The following TKT variants were observed in gnomAD, a reference collection of about 807,000 sequenced individuals.
TKT encodes the protein epididymis luminal protein 107.
Under a neutral mutation model 63.9 loss-of-function variants are expected in TKT, and 47 were observed. The observed-to-expected ratio is 0.74, with a 90% CI of 0.58 to 0.94. The LOEUF (loss-of-function observed/expected upper bound fraction) is 0.94, where lower values mean the gene tolerates loss of function less well. Ranked by LOEUF, TKT falls within the 40% of genes least tolerant of loss-of-function variation. The probability of loss-of-function intolerance (pLI) is 0.00; values close to 1 mark genes in which losing one functional copy is unlikely to be tolerated. For synonymous variants in TKT, 338 were observed against 334.1 expected (o/e 1.01, Z -0.13); for missense variants, 721 against 846.2 (o/e 0.85, Z 1.84).
chr3:53,240,634 T>C (rs1431091686), intron 3 of TKT, among the ~76,000 whole-genome samples: 1 of 152,226 alleles, frequency 6.6e-6, no homozygotes, highest in Non-Finnish European at 1.5e-5. Flanking sequence ...CACAAAGTGC[T>C]GGGAGAGAGA....
intron 6 of TKT, 45 bp downstream of exon 6, chr3:53,233,111 C>G: frequency 6.4e-7 from 1 of 1,551,752 alleles, no homozygotes; most frequent in African/African-American, 1.4e-5. Context: ...GCCACAGTGT[C>G]TGGGCGAGGG....
intron 1 of TKT, among the ~76,000 whole-genome samples, chr3:53,246,444 C>T (rs1242905553): frequency 6.6e-6 from 1 of 152,206 alleles, no homozygotes; most frequent in African/African-American, 2.4e-5. Context: ...CTACACTTCA[C>T]AAATCCGGTA....
At chr3:53,254,727 T>C (rs1705906121) in intron 1 of TKT, among the ~76,000 whole-genome samples, 1 of 152,180 alleles carries the variant, frequency 6.6e-6, no homozygotes, top group Non-Finnish European at 1.5e-5. Context: ...TTAAGTGCCA[T>C]TACTGTCCCC....
chr3:53,226,212 G>A, intron 13 of TKT: 1 of 386,932 alleles, frequency 2.6e-6, no homozygotes, highest in South Asian at 5.6e-5. Context: ...GAGCCACCAT[G>A]CACGGCCCAG....
chr3:53,255,266 C>T (rs1431417941), intron 1 of TKT, among the ~76,000 whole-genome samples: 1 of 152,196 alleles, frequency 6.6e-6, no homozygotes, highest in Non-Finnish European at 1.5e-5. Flanking sequence ...GGGAGAAGGC[C>T]GGGCCCCCGA....
intron 1 of TKT, among the ~76,000 whole-genome samples, chr3:53,253,215 C>T (rs182642700): frequency 6.6e-5 from 10 of 152,086 alleles, no homozygotes; most frequent in Non-Finnish European, 1.2e-4. Flanking sequence ...TGGCCTCAAG[C>T]GAACCTTCTG....
chr3:53,241,389 T>G, intron 2 of TKT, 144 bp from the exon 3 acceptor site: 1 of 664,612 alleles, frequency 1.5e-6, no homozygotes, highest in Non-Finnish European at 2.5e-6. Context: ...TGAAGGCCAC[T>G]TCTCCCCTTT....
intron 8 of TKT, among the ~76,000 whole-genome samples, 168 bp downstream of exon 8, chr3:53,230,289 C>T (rs1382627743): frequency 6.6e-6 from 1 of 152,256 alleles, no homozygotes; most frequent in Non-Finnish European, 1.5e-5. Flanking sequence ...ACCTCCCAAA[C>T]TGTGGCTGTT....
intron 7 of TKT, among the ~76,000 whole-genome samples, chr3:53,230,848 T>C (rs577775475): frequency 6.6e-6 from 1 of 152,190 alleles, no homozygotes; most frequent in South Asian, 2.1e-4. Context: ...AGGTATAAGC[T>C]ACAGAAGACA....
At chr3:53,242,031 G>C (rs1705301896) in intron 2 of TKT, 94 bp downstream of exon 2, 5 of 1,205,520 alleles carry the variant, frequency 4.1e-6, no homozygotes, top group Non-Finnish European at 6.1e-6. Flanking sequence ...GGTGGGCCCA[G>C]CCAGGTCTCC....
chr3:53,249,934 C>A (rs1187523573), intron 1 of TKT, among the ~76,000 whole-genome samples: 7 of 152,188 alleles, frequency 4.6e-5, no homozygotes, highest in African/African-American at 1.7e-4. Flanking sequence ...AACAAGCCTG[C>A]CACAAGAGAC....
rs1373347681 is a variant in TKT, at chr3:53,256,021, A to T, written c.-79T>A. The T allele has an allele frequency of 1.4e-5, 11 of 780,106 alleles. No individual in the cohort carries two copies. In the Admixed American group the frequency reaches 3.6e-4, roughly 26 times the overall value. The allele number at this position is 780,106 out of a possible 1,614,324, so 48.3% of individuals were successfully genotyped here. A position where few individuals can be genotyped will look rare whatever the true frequency, so the allele number is the denominator to read the frequency against. On this transcript the variant is annotated 5_prime_UTR_variant, in exon 1 of 14. Transcript: ENST00000462138. ...CTCCCGCGGCGACAGGCGGCTGCCG[A>T]GGCCGGGCGCGGGGCGGGGGCGCGT...
At chr3:53,230,030 C>T (rs1303839473) in intron 8 of TKT, among the ~76,000 whole-genome samples, 1 of 152,234 alleles carries the variant, frequency 6.6e-6, no homozygotes, top group Non-Finnish European at 1.5e-5. Flanking sequence ...ATGTCAGGGG[C>T]CCAGAGTTCC....
intron 11 of TKT, 27 bp from the exon 12 acceptor site, chr3:53,228,176 G>A (rs375824130): frequency 9.9e-6 from 16 of 1,613,704 alleles, no homozygotes; most frequent in African/African-American, 1.3e-5. Context: ...GGGTGAGTAA[G>A]GCTCAGGGCC....
At position 53,251,675 on chromosome 3, in the gene TKT, G is replaced by GA. The variant is rs576953659; in HGVS notation, c.107+4160dup. Among the ~76,000 whole-genome samples the GA allele has an allele frequency of 4.1e-4, 62 of 152,304 alleles. No individual in the cohort carries two copies. The East Asian group carries it at 0.011, about 27-fold the overall frequency. ...CTGTCTCAGTAAGTGGCCAGCAAAAGATTGGACCAAAGCTAGACATGGTAG... is the reference window on the plus strand; with the variant it reads ...CTGTCTCAGTAAGTGGCCAGCAAAAGAATTGGACCAAAGCTAGACATGGTAG... On this transcript the variant is annotated intron_variant, in intron 1 of 13. Transcript: ENST00000462138.
In TKT at chr3:53,242,382, G is replaced by A. The variant is rs555546279; in HGVS notation, c.108-140C>T. ...GCTTATCAGACAGCCACGAGCTCTTGTTCCCTGGGAGGGTGACACATGGTC... is the reference window on the plus strand; with the variant it reads ...GCTTATCAGACAGCCACGAGCTCTTATTCCCTGGGAGGGTGACACATGGTC... On this transcript the variant is annotated intron_variant, in intron 1 of 13. Transcript: ENST00000462138. The A allele has an allele frequency of 8.5e-4, 689 of 806,500 alleles. 2 individuals are homozygous for A. Among genetic ancestry groups the A allele is most frequent in the Non-Finnish European group, 1.3e-3 (613 of 490,314 alleles). 50.0% of individuals were successfully genotyped at this position (806,500 alleles called of 1,614,324 possible).
chr3:53,247,498 G>C (rs2106721539), intron 1 of TKT, among the ~76,000 whole-genome samples: 1 of 151,816 alleles, frequency 6.6e-6, no homozygotes, highest in South Asian at 2.1e-4. Context: ...AGCTGGGCAT[G>C]GTGGTGCGGG....
Position 53,229,426 on chromosome 3 carries a change from G to T in TKT, c.1118C>A (p.Ala373Glu). The T allele has an allele frequency of 6.2e-7, 1 of 1,606,742 alleles. No homozygotes were observed. The highest frequency in any genetic ancestry group is 8.5e-7 in the Non-Finnish European group (1 of 1,176,770). ...CCTGTTGCGGGTGGCACAGCCCACC[G>T]CGATGCTCACCTGGGGGCAGGTGGG... is the stretch of plus-strand genomic sequence containing the variant. ...YIAEQNMVSI[A>E]VGCATRNRTV... The change falls in exon 9 of 14, where the codon GCG (alanine) becomes GAG (glutamate). Residue 373 changes from alanine (A) to glutamate (E), a missense_variant. Coordinates refer to ENST00000462138, the MANE Select transcript of TKT (RefSeq NM_001064.4).
chr3:53,250,828 C>A (rs1705712061), intron 1 of TKT, among the ~76,000 whole-genome samples: 1 of 152,078 alleles, frequency 6.6e-6, no homozygotes, highest in Non-Finnish European at 1.5e-5. Flanking sequence ...GTTGCCCAGG[C>A]TGGAGTGCAG....
Sources: gnomAD v4.1 joint callset for allele counts (sites outside exome capture counted in the v4.1 genomes callset) on GRCh38, gnomAD v4.1.1 for gene constraint, MANE v1.5 for transcripts, NCBI Gene and HGNC (gene_info 2026-07-23, HGNC 2026-07-21) for gene names.